Variants in ADAMTS12 observed in about 807,000 individuals in gnomAD.
The protein encoded by ADAMTS12 is A disintegrin and metalloproteinase with thrombospondin motifs 12.
ADAMTS12 carries 118 observed loss-of-function variants against 167.8 expected under a neutral mutation model. That is an observed-to-expected ratio of 0.70 (90% CI 0.61 to 0.82). The LOEUF is 0.82. Ranked by LOEUF, ADAMTS12 falls within the 40% of genes least tolerant of loss-of-function variation. ADAMTS12 has a pLI of 0.00. For synonymous variants in ADAMTS12, 704 were observed against 716.9 expected, an observed-to-expected ratio of 0.98 and a Z score of 0.29; for missense variants, 1,916 against 1,998.8, an observed-to-expected ratio of 0.96 and a Z score of 0.79.
intron 2 of ADAMTS12, among the ~76,000 whole-genome samples, chr5:33,876,202 T>C (rs1383194182): frequency 3.3e-5 from 5 of 152,180 alleles, no homozygotes; most frequent in African/African-American, 4.8e-5. Context: ...AGACTTGACA[T>C]AGCAAAGATG....
chr5:33,753,366 G>T (rs1041833272), intron 2 of ADAMTS12, among the ~76,000 whole-genome samples: 3 of 152,180 alleles, frequency 2.0e-5, no homozygotes, highest in African/African-American at 7.2e-5. Context: ...AAAGACAGTT[G>T]TCAAATAACT....
At chr5:33,714,640 C>A (rs1743532777) in intron 3 of ADAMTS12, among the ~76,000 whole-genome samples, 1 of 91,526 alleles carries the variant, frequency 1.1e-5, no homozygotes. Flanking sequence ...GAAATACTGT[C>A]ACTTGCAGCA....
intron 2 of ADAMTS12, among the ~76,000 whole-genome samples, chr5:33,871,032 A>T (rs1750020527): frequency 6.6e-6 from 1 of 152,134 alleles, no homozygotes; most frequent in African/African-American, 2.4e-5. Context: ...ATGAAAGTAA[A>T]ATTTCCCCCC....
chr5:33,798,432 A>ATC (rs1388565081), intron 2 of ADAMTS12, among the ~76,000 whole-genome samples: 1 of 102,532 alleles, frequency 9.8e-6, no homozygotes, highest in Non-Finnish European at 1.9e-5. Context: ...TCTTCTTTGT[A>ATC]TCTTTTTTTT....
At chr5:33,815,692 G>T (rs1337027921) in intron 2 of ADAMTS12, among the ~76,000 whole-genome samples, 1 of 152,206 alleles carries the variant, frequency 6.6e-6, no homozygotes, top group Non-Finnish European at 1.5e-5. Context: ...ATATCCTGGG[G>T]TCCTGGCAAA....
intron 23 of ADAMTS12, among the ~76,000 whole-genome samples, chr5:33,531,239 T>C (rs1352311776): frequency 2.0e-5 from 3 of 152,252 alleles, no homozygotes; most frequent in Non-Finnish European, 4.4e-5. Context: ...TTTGGACTTC[T>C]AGCCTCCAGA....
intron 3 of ADAMTS12, among the ~76,000 whole-genome samples, chr5:33,744,877 T>G (rs993322070): frequency 6.6e-6 from 1 of 152,194 alleles, no homozygotes; most frequent in Non-Finnish European, 1.5e-5. Flanking sequence ...TGCAGCAGCA[T>G]GATTATAGCT....
chr5:33,576,722 T>C lies in ADAMTS12; in HGVS notation c.3304A>G (p.Ser1102Gly). The C allele has an allele frequency of 6.2e-7, 1 of 1,614,208 alleles. No individual in the cohort carries two copies. The highest frequency in any genetic ancestry group is 8.5e-7 in the Non-Finnish European group (1 of 1,180,032). Residue 1102 changes from serine to glycine, a missense_variant, in exon 19 of 24, where the codon AGT (serine) becomes GGT (glycine). Physicochemically the swap from Ser to Gly is moderately conservative, Grantham distance 56 (BLOSUM62 0). Transcript: ENST00000504830. ...TCTGAACTGGAAACATTTTCCTCACTTGGCTGAATGCTCAAGGATTGGGAA... is the reference window on the plus strand; with the variant it reads ...TCTGAACTGGAAACATTTTCCTCACCTGGCTGAATGCTCAAGGATTGGGAA... Reference protein sequence around the residue: ...LTSQSLSIQPSEENVSSSDTG... With the variant: ...LTSQSLSIQPGEENVSSSDTG...
At chr5:33,879,478 G>A (rs1222874388) in intron 2 of ADAMTS12, among the ~76,000 whole-genome samples, 2 of 152,176 alleles carry the variant, frequency 1.3e-5, no homozygotes, top group African/African-American at 2.4e-5. Context: ...TTGCAAAGGC[G>A]AGATGTGATG....
intron 2 of ADAMTS12, among the ~76,000 whole-genome samples, chr5:33,766,691 G>T (rs888681674): frequency 6.6e-6 from 1 of 151,918 alleles, no homozygotes; most frequent in Non-Finnish European, 1.5e-5. Context: ...TTAAAAAAAG[G>T]TACAAAGAAC....
At chr5:33,783,794 A>G (rs573511355) in intron 2 of ADAMTS12, among the ~76,000 whole-genome samples, 1 of 151,960 alleles carries the variant, frequency 6.6e-6, no homozygotes, top group Non-Finnish European at 1.5e-5. Flanking sequence ...GGAAAAAATA[A>G]TATCAGTCCT....
At position 33,883,198 on chromosome 5, in the gene ADAMTS12, C is replaced by T. The variant is rs899635712; in HGVS notation, c.128-1718G>A. Among the ~76,000 whole-genome samples, 83 of 152,146 alleles carry T rather than the reference C, an allele frequency of 5.5e-4. 1 individual carries two copies. Among genetic ancestry groups the T allele is most frequent in the African/African-American group, 1.9e-3 (80 of 41,430 alleles). ...CCAAATCTGCCAGAATCTTGCACAT[C>T]ACAGGTGCTCAGTTCTTATATGTTG... On this transcript the variant is annotated intron_variant, in intron 1 of 23. Transcript: ENST00000504830.
intron 2 of ADAMTS12, among the ~76,000 whole-genome samples, chr5:33,792,061 G>A (rs1175901835): frequency 2.8e-5 from 4 of 143,612 alleles, no homozygotes; most frequent in Admixed American, 1.4e-4. Flanking sequence ...GCAGTGGCAC[G>A]ATCTCGGCTC....
intron 14 of ADAMTS12, among the ~76,000 whole-genome samples, chr5:33,619,708 T>A (rs1323068774): frequency 1.3e-5 from 2 of 152,204 alleles, no homozygotes; most frequent in Non-Finnish European, 1.5e-5. Flanking sequence ...TTTATTAATT[T>A]TTTTTGAGAT....
At position 33,571,226 on chromosome 5, in the gene ADAMTS12, C is replaced by T. The variant is rs577881936; in HGVS notation, c.3972+4828G>A. 3.4e-3 allele frequency among the ~76,000 whole-genome samples: 523 copies of T among 152,256 alleles called. 3 individuals are homozygous for T. The highest frequency in any genetic ancestry group is 5.6e-3 in the Non-Finnish European group (383 of 68,018). ...AACAAGGATACCCAGGAATTGAACT[C>T]AGCTCTGCACCAAGTGGACCTAATA... On this transcript the variant is annotated intron_variant, in intron 19 of 23. Transcript: ENST00000504830.
chr5:33,686,750 T>G (rs1187347144), intron 3 of ADAMTS12, among the ~76,000 whole-genome samples: 1 of 151,240 alleles, frequency 6.6e-6, no homozygotes, highest in Middle Eastern at 3.4e-3. Flanking sequence ...CAGGAAGATA[T>G]ATACACCTCT....
intron 5 of ADAMTS12, among the ~76,000 whole-genome samples, chr5:33,663,020 C>T (rs749579460): frequency 6.6e-6 from 1 of 152,174 alleles, no homozygotes; most frequent in Non-Finnish European, 1.5e-5. Context: ...TTTGCTGAGG[C>T]CCACACCCAA....
At position 33,807,733 on chromosome 5, in the gene ADAMTS12, G is replaced by A. The variant is rs186359195; in HGVS notation, c.490-56185C>T. ...GGAGAGTAAATTACTTGTATCAGATGAAAGATCATTACATACATACCTGGG... is the reference window on the plus strand; with the variant it reads ...GGAGAGTAAATTACTTGTATCAGATAAAAGATCATTACATACATACCTGGG... On this transcript the variant is annotated intron_variant, in intron 2 of 23. Transcript: ENST00000504830. 4.4e-3 allele frequency among the ~76,000 whole-genome samples: 665 copies of A among 152,294 alleles called. 1 individual carries two copies. Among genetic ancestry groups the A allele is most frequent in the Non-Finnish European group, 6.7e-3 (456 of 68,018 alleles).
At chr5:33,744,949 G>T (rs1352364471) in intron 3 of ADAMTS12, among the ~76,000 whole-genome samples, 1 of 152,166 alleles carries the variant, frequency 6.6e-6, no homozygotes, top group African/African-American at 2.4e-5. Context: ...GGGTAGCTGG[G>T]AGTACAGGTG....
Sources: gnomAD v4.1 joint callset for allele counts (sites outside exome capture counted in the v4.1 genomes callset) on GRCh38, gnomAD v4.1.1 for gene constraint, MANE v1.5 for transcripts, NCBI Gene and HGNC (gene_info 2026-07-23, HGNC 2026-07-21) for gene names.